BST1: variants seen among roughly 807,000 people sequenced by gnomAD.
The protein encoded by BST1 is ADP-ribosyl cyclase/cyclic ADP-ribose hydrolase 2.
BST1 carries 49 observed loss-of-function variants against 40.6 expected under a neutral mutation model. That is an observed-to-expected ratio of 1.21 (90% CI 0.96 to 1.53). The LOEUF is 1.53. Among genes scored for constraint, BST1 ranks in the 40% most tolerant of loss-of-function variants. BST1 has a pLI of 0.00. For missense variants in BST1, 423 were observed against 395.9 expected (o/e 1.07, Z -0.58); for synonymous variants, 157 against 159.3 (o/e 0.99, Z 0.11).
At chr4:15,734,112 T>C (rs1395056207), downstream of BST1, among the ~76,000 whole-genome samples, 2 of 152,228 alleles carry the variant, frequency 1.3e-5, no homozygotes, top group Non-Finnish European at 2.9e-5. Context: ...TGTATGATTC[T>C]ATTTATATGA....
the BST1 span, among the ~76,000 whole-genome samples, chr4:15,750,955 G>A: frequency 0.014 from 2,150 of 152,198 alleles, 60 homozygotes; most frequent in African/African-American, 0.049. Context: ...AACTCATTAT[G>A]GTAGGTTCTG....
chr4:15,703,389 C>A lies in BST1; in HGVS notation c.188+57C>A, dbSNP rs555208527. 1.1e-5 allele frequency: 15 copies of A among 1,423,988 alleles called. No homozygotes were observed. In the African/African-American group the frequency reaches 1.7e-4, roughly 16 times the overall value. 88.2% of individuals were successfully genotyped at this position (1,423,988 alleles called of 1,614,324 possible). A position where few individuals can be genotyped will look rare whatever the true frequency, so the allele number is the denominator to read the frequency against. Reference sequence around the variant, plus strand: ...GGAAAGAGGCAACGGTGGGGAGGGCCTGGGGAGGGGAAAACTGGCGCTAAA... The same window carrying A: ...GGAAAGAGGCAACGGTGGGGAGGGCATGGGGAGGGGAAAACTGGCGCTAAA... On this transcript the variant is annotated intron_variant, in intron 1 of 8. Coordinates refer to ENST00000265016, the MANE Select transcript of BST1 (RefSeq NM_004334.3).
intron 6 of BST1, among the ~76,000 whole-genome samples, chr4:15,718,185 T>G (rs1720612768): frequency 6.6e-6 from 1 of 152,050 alleles, no homozygotes; most frequent in East Asian, 1.9e-4. Context: ...ACGGGTTCCA[T>G]GAGTTATGGT....
In BST1 at chr4:15,703,366, A is replaced by T. The variant is rs749354274; in HGVS notation, c.188+34A>T. 109 of 1,489,560 alleles carry T rather than the reference A, an allele frequency of 7.3e-5. 1 individual carries two copies. The African/African-American group carries it at 1.5e-3, about 21-fold the overall frequency. The allele number at this position is 1,489,560 out of a possible 1,614,324, so 92.3% of individuals were successfully genotyped here. A position where few individuals can be genotyped will look rare whatever the true frequency, so the allele number is the denominator to read the frequency against. ...GTCGGCCGGGTGGAAGGGGAGCCGG[A>T]AAGAGGCAACGGTGGGGAGGGCCTG... On this transcript the variant is annotated intron_variant, in intron 1 of 8. Coordinates refer to ENST00000265016, the MANE Select transcript of BST1 (RefSeq NM_004334.3).
At chr4:15,759,683 T>C in the BST1 span, among the ~76,000 whole-genome samples, 1 of 146,794 alleles carries the variant, frequency 6.8e-6, no homozygotes, top group South Asian at 2.2e-4. Flanking sequence ...ATGGAAACCA[T>C]TTTCCCTGTT....
chr4:15,752,538 G>C, the BST1 span, among the ~76,000 whole-genome samples: 1 of 151,872 alleles, frequency 6.6e-6, no homozygotes, highest in Non-Finnish European at 1.5e-5. Context: ...ACAGGTATGT[G>C]CCACCATGCA....
chr4:15,733,620 T>A (rs1051938894), downstream of BST1, among the ~76,000 whole-genome samples: 15 of 152,242 alleles, frequency 9.9e-5, no homozygotes, highest in African/African-American at 2.6e-4. Flanking sequence ...AAACTTACGA[T>A]CATCATGGAA....
chr4:15,764,873 G>GGTGTGTGT, the BST1 span, among the ~76,000 whole-genome samples: 10 of 137,376 alleles, frequency 7.3e-5, no homozygotes, highest in African/African-American at 1.1e-4. Context: ...AATTAGGTGA[G>GGTGTGTGT]GTGTGTGTGT....
the BST1 span, among the ~76,000 whole-genome samples, chr4:15,761,144 A>G: frequency 6.6e-6 from 1 of 151,880 alleles, no homozygotes; most frequent in South Asian, 2.1e-4. Flanking sequence ...TCCCGGGTTC[A>G]AGTGATTCTT....
At chr4:15,760,474 C>T in the BST1 span, among the ~76,000 whole-genome samples, 1 of 151,752 alleles carries the variant, frequency 6.6e-6, no homozygotes, top group Admixed American at 6.6e-5. Flanking sequence ...GTTCACTCTG[C>T]TTAACATTTT....
At chr4:15,764,730 C>T in the BST1 span, among the ~76,000 whole-genome samples, 1 of 151,868 alleles carries the variant, frequency 6.6e-6, no homozygotes, top group Non-Finnish European at 1.5e-5. Context: ...TGTGGGCCTC[C>T]ACCCCCAAGA....
intron 8 of BST1, among the ~76,000 whole-genome samples, chr4:15,726,931 C>T (rs1721147829): frequency 6.9e-6 from 1 of 144,828 alleles, no homozygotes; most frequent in African/African-American, 2.6e-5. Context: ...AGTGCAGTGG[C>T]GTGATCTCGG....
intron 1 of BST1, among the ~76,000 whole-genome samples, chr4:15,704,072 G>GGT (rs746120112): frequency 5.0e-4 from 72 of 145,358 alleles, no homozygotes; most frequent in Non-Finnish European, 9.3e-4. Context: ...AGAGGTGAGG[G>GGT]GTGTGTGTGT....
At chr4:15,761,953 A>G in the BST1 span, among the ~76,000 whole-genome samples, 15 of 151,734 alleles carry the variant, frequency 9.9e-5, no homozygotes. Context: ...TAATCCCAGC[A>G]CTTTGGGAGG....
the BST1 span, among the ~76,000 whole-genome samples, chr4:15,753,538 A>C: frequency 6.6e-6 from 1 of 152,150 alleles, no homozygotes; most frequent in African/African-American, 2.4e-5. Flanking sequence ...AGCCCTAAGG[A>C]GAAAGAGTAG....
chr4:15,757,031 G>A, the BST1 span, among the ~76,000 whole-genome samples: 1 of 151,540 alleles, frequency 6.6e-6, no homozygotes, highest in African/African-American at 2.5e-5. Context: ...AAAACCATCT[G>A]TATCAGGAAG....
chr4:15,760,840 C>T, the BST1 span, among the ~76,000 whole-genome samples: 1 of 150,664 alleles, frequency 6.6e-6, no homozygotes, highest in Non-Finnish European at 1.5e-5. Context: ...AGGTGTGCAC[C>T]ACCACGCCTA....
At chr4:15,717,774 T>G (rs1380678919) in intron 6 of BST1, among the ~76,000 whole-genome samples, 1 of 152,210 alleles carries the variant, frequency 6.6e-6, no homozygotes, top group Non-Finnish European at 1.5e-5. Flanking sequence ...GAAAATATGT[T>G]GCAAGGATGC....
chr4:15,722,568 C>T (rs1445321483), intron 7 of BST1, among the ~76,000 whole-genome samples: 2 of 151,140 alleles, frequency 1.3e-5, no homozygotes, highest in Admixed American at 6.6e-5. Flanking sequence ...TAGGCATGAG[C>T]GTCTGCACCC....
Sources: gnomAD v4.1 joint callset for allele counts (sites outside exome capture counted in the v4.1 genomes callset) on GRCh38, gnomAD v4.1.1 for gene constraint, MANE v1.5 for transcripts, NCBI Gene and HGNC (gene_info 2026-07-23, HGNC 2026-07-21) for gene names.